The following MAGI2 variants were observed in gnomAD, a reference collection of about 807,000 sequenced individuals.
MAGI2 encodes the protein membrane-associated guanylate kinase, WW and PDZ domain-containing protein 2.
MAGI2 carries 35 observed loss-of-function variants against 133.3 expected under a neutral mutation model. The observed-to-expected ratio is 0.26, with a 90% CI of 0.20 to 0.35. The LOEUF (loss-of-function observed/expected upper bound fraction) is 0.35, where lower values mean the gene tolerates loss of function less well. MAGI2 is among the 10% of genes least tolerant of loss of function. The pLI is 1.00. For synonymous variants in MAGI2, 729 were observed against 710.6 expected, an observed-to-expected ratio of 1.03 and a Z score of -0.41; for missense variants, 1,636 against 1,863.4, an observed-to-expected ratio of 0.88 and a Z score of 2.25.
chr7:79,082,759 A>AATT (rs1816152690), intron 1 of MAGI2, among the ~76,000 whole-genome samples: 1 of 151,904 alleles, frequency 6.6e-6, no homozygotes, highest in Non-Finnish European at 1.5e-5. Context: ...TGAGATTTTG[A>AATT]TAGTGATTTT....
At chr7:78,476,624 T>C (rs1007900841) in intron 6 of MAGI2, among the ~76,000 whole-genome samples, 1 of 152,002 alleles carries the variant, frequency 6.6e-6, no homozygotes. Flanking sequence ...AGTTTAGGTA[T>C]CAAAACACAA....
At chr7:78,283,480 T>TTCA (rs1795836229) in intron 9 of MAGI2, among the ~76,000 whole-genome samples, 1 of 151,978 alleles carries the variant, frequency 6.6e-6, no homozygotes, top group African/African-American at 2.4e-5. Context: ...AGTAAATATA[T>TTCA]GAATAAGTAA....
intron 6 of MAGI2, among the ~76,000 whole-genome samples, chr7:78,489,463 G>A (rs1019983637): frequency 3.3e-5 from 5 of 151,960 alleles, no homozygotes; most frequent in Admixed American, 2.6e-4. Context: ...TCCTCAGAGC[G>A]ACGTATTGCA....
intron 1 of MAGI2, among the ~76,000 whole-genome samples, chr7:79,343,866 C>G (rs567785496): frequency 1.3e-5 from 2 of 152,138 alleles, no homozygotes; most frequent in African/African-American, 4.8e-5. Context: ...AAAAAAGCAA[C>G]AGCACTTAAT....
At chr7:78,735,014 G>A (rs1423550633) in intron 2 of MAGI2, among the ~76,000 whole-genome samples, 7 of 152,110 alleles carry the variant, frequency 4.6e-5, no homozygotes, top group Non-Finnish European at 5.9e-5. Context: ...GTTTCGTTAC[G>A]TATAAGTAGG....
chr7:78,091,956 T>A (rs1268537607), intron 20 of MAGI2, among the ~76,000 whole-genome samples: 8 of 152,230 alleles, frequency 5.3e-5, no homozygotes, highest in African/African-American at 1.9e-4. Context: ...GTACTGAGGA[T>A]AGCTGTAAGT....
At chr7:78,723,821 A>G (rs73150787) in intron 2 of MAGI2, among the ~76,000 whole-genome samples, 6,842 of 152,262 alleles carry the variant, frequency 0.045, 233 homozygotes, top group Non-Finnish European at 0.069. Context: ...AATTCAAAGT[A>G]TAGGGAGATA....
At chr7:78,823,661 G>C (rs1220707355) in intron 2 of MAGI2, among the ~76,000 whole-genome samples, 1 of 150,718 alleles carries the variant, frequency 6.6e-6, no homozygotes, top group Non-Finnish European at 1.5e-5. Flanking sequence ...AGGTGATAAA[G>C]AAGTAGCATG....
intron 21 of MAGI2, among the ~76,000 whole-genome samples, chr7:78,036,627 T>G (rs1462014469): frequency 1.7e-5 from 1 of 58,520 alleles, no homozygotes; most frequent in Non-Finnish European, 4.0e-5. Context: ...AACTTTTTAG[T>G]TTTTTTTTTA....
At chr7:78,464,555 A>C (rs1790415262) in intron 6 of MAGI2, among the ~76,000 whole-genome samples, 1 of 152,152 alleles carries the variant, frequency 6.6e-6, no homozygotes, top group Non-Finnish European at 1.5e-5. Flanking sequence ...AAAAGTGTTC[A>C]TAAAATTTAG....
At chr7:78,733,334 C>T (rs192801808) in intron 2 of MAGI2, among the ~76,000 whole-genome samples, 2 of 152,232 alleles carry the variant, frequency 1.3e-5, no homozygotes, top group African/African-American at 2.4e-5. Flanking sequence ...TTGTCCTACT[C>T]CTAGGAGAGA....
At chr7:78,995,492 T>G (rs1806205184) in intron 2 of MAGI2, among the ~76,000 whole-genome samples, 1 of 152,170 alleles carries the variant, frequency 6.6e-6, no homozygotes, top group Non-Finnish European at 1.5e-5. Flanking sequence ...GAGGTTCATG[T>G]TAAGATGAAA....
chr7:78,486,220 T>A (rs10279625), intron 6 of MAGI2: 33,249 of 151,994 alleles, frequency 0.22, 3,841 homozygotes, highest in African/African-American at 0.27. Flanking sequence ...TTGTCAATTC[T>A]GGAGCTGCAG....
At chr7:79,417,682 G>T (rs1846629342) in intron 1 of MAGI2, among the ~76,000 whole-genome samples, 3 of 151,792 alleles carry the variant, frequency 2.0e-5, no homozygotes, top group South Asian at 2.1e-4. Context: ...TGATCCTGGA[G>T]TAGGTGCTGC....
chr7:78,949,245 T>TA (rs1264843690), intron 2 of MAGI2, among the ~76,000 whole-genome samples: 1 of 152,216 alleles, frequency 6.6e-6, no homozygotes, highest in Admixed American at 6.5e-5. Context: ...TATGATGGCA[T>TA]AATGCCTGAT....
At chr7:78,543,562 G>C (rs954176904) in intron 3 of MAGI2, among the ~76,000 whole-genome samples, 2 of 152,150 alleles carry the variant, frequency 1.3e-5, no homozygotes, top group African/African-American at 4.8e-5. Context: ...TCTCTCCATA[G>C]AAAAGGGCAA....
In MAGI2 at chr7:78,641,095, C is replaced by G. The variant is rs545239743; in HGVS notation, c.419-13856G>C. Among the ~76,000 whole-genome samples, 3 of 152,266 alleles carry G rather than the reference C, an allele frequency of 2.0e-5. No homozygotes were observed. The East Asian group carries it at 5.8e-4, about 29-fold the overall frequency. Reference sequence around the variant, plus strand: ...CTTGCTGCCACCATGTGAAGAAGGACATGTTTGCTTCCCCTTCCGACATGA... The same window carrying G: ...CTTGCTGCCACCATGTGAAGAAGGAGATGTTTGCTTCCCCTTCCGACATGA... On this transcript the variant is annotated intron_variant, in intron 2 of 21. Coordinates refer to ENST00000354212, the MANE Select transcript of MAGI2 (RefSeq NM_012301.4).
chr7:78,943,704 G>T (rs1007241845), intron 2 of MAGI2, among the ~76,000 whole-genome samples: 4 of 152,060 alleles, frequency 2.6e-5, no homozygotes, highest in African/African-American at 9.7e-5. Context: ...ATACTATAAA[G>T]GAATGATTTA....
At chr7:78,835,943 C>T (rs1791583765) in intron 2 of MAGI2, among the ~76,000 whole-genome samples, 1 of 152,184 alleles carries the variant, frequency 6.6e-6, no homozygotes, top group Admixed American at 6.5e-5. Context: ...AATAGACTTC[C>T]TTCTGCAATC....
Sources: gnomAD v4.1 joint callset for allele counts (sites outside exome capture counted in the v4.1 genomes callset) on GRCh38, gnomAD v4.1.1 for gene constraint, MANE v1.5 for transcripts, NCBI Gene and HGNC (gene_info 2026-07-23, HGNC 2026-07-21) for gene names.